ANKRD13B: variants seen among roughly 807,000 people sequenced by gnomAD.
The protein encoded by ANKRD13B is ankyrin repeat domain 13B, also known as ankyrin repeat domain-containing protein 13B.
ANKRD13B carries 33 observed loss-of-function variants against 74.4 expected under a neutral mutation model. The ratio of observed to expected loss-of-function variants is 0.44; its 90% CI spans 0.34 to 0.59. The LOEUF is 0.59. ANKRD13B is among the 20% of genes least tolerant of loss of function. The pLI, the probability that ANKRD13B is intolerant of heterozygous loss-of-function variation, is 0.02. For synonymous variants in ANKRD13B, 341 were observed against 362.9 expected, an observed-to-expected ratio of 0.94 and a Z score of 0.68; for missense variants, 676 against 877.9, an observed-to-expected ratio of 0.77 and a Z score of 2.91.
intron 1 of ANKRD13B, among the ~76,000 whole-genome samples, chr17:29,595,036 T>C (rs759024250): frequency 6.6e-6 from 1 of 152,216 alleles, no homozygotes; most frequent in Non-Finnish European, 1.5e-5. Flanking sequence ...GGGTGGCCAC[T>C]TCCTGTTACC....
intron 1 of ANKRD13B, among the ~76,000 whole-genome samples, chr17:29,597,396 G>C (rs1012989954): frequency 1.3e-5 from 2 of 152,160 alleles, no homozygotes; most frequent in Admixed American, 6.5e-5. Flanking sequence ...ATGAGCGTAC[G>C]AGTGTGTATC....
intron 1 of ANKRD13B, among the ~76,000 whole-genome samples, chr17:29,601,031 C>T (rs2034157629): frequency 6.9e-6 from 1 of 145,790 alleles, no homozygotes; most frequent in Non-Finnish European, 1.5e-5. Flanking sequence ...CTCAAGGGAT[C>T]CTCCCACCTC....
intron 1 of ANKRD13B, among the ~76,000 whole-genome samples, chr17:29,595,372 C>T (rs1416830266): frequency 6.6e-6 from 1 of 152,160 alleles, no homozygotes; most frequent in East Asian, 1.9e-4. Flanking sequence ...GAAGAACTTC[C>T]CAGGGGTCCA....
rs766968377 is a variant in ANKRD13B at position 29,611,549 on chromosome 17, G to C, written c.905-30G>C. 9 of 1,610,630 alleles carry C rather than the reference G, an allele frequency of 5.6e-6. No homozygotes were observed. The highest frequency in any genetic ancestry group is 3.3e-4 in the Middle Eastern group (2 of 6,016). On this transcript the variant is annotated intron_variant, in intron 8 of 14. Transcript: ENST00000394859. The surrounding 1 kb of genome is among the most constrained non-coding windows in gnomAD (Gnocchi z 4.3). ...GTGCCCAGGTGTGTGTGGAGTTGCG[G>C]TGTCCTCTGAGATGCCACATTTCTT...
At chr17:29,613,250 A>C in intron 14 of ANKRD13B, 104 bp from the exon 15 acceptor site, 9 of 1,387,000 alleles carry the variant, frequency 6.5e-6, no homozygotes, top group Non-Finnish European at 8.4e-6. Context: ...CCTCCACTAG[A>C]GGGTGGTGGC....
intron 1 of ANKRD13B, among the ~76,000 whole-genome samples, chr17:29,602,663 T>C (rs1234803815): frequency 6.6e-6 from 1 of 152,162 alleles, no homozygotes; most frequent in Non-Finnish European, 1.5e-5. Context: ...TGATCCAGGA[T>C]TATTTCATCT....
In ANKRD13B at chr17:29,593,706, G is replaced by C. The variant is rs1418535664; in HGVS notation, c.85G>C (p.Glu29Gln). 11 of 1,438,448 alleles carry C rather than the reference G, an allele frequency of 7.6e-6. No individual in the cohort carries two copies. The highest frequency in any genetic ancestry group is 1.0e-5 in the Non-Finnish European group (11 of 1,086,472). 89.1% of individuals were successfully genotyped at this position (1,438,448 alleles called of 1,614,324 possible). A position where few individuals can be genotyped will look rare whatever the true frequency, so the allele number is the denominator to read the frequency against. Residue 29 changes from glutamate (E) to glutamine (Q), a missense_variant, in exon 1 of 15, where the codon GAG (glutamate) becomes CAG (glutamine). By Grantham distance (29) the Glu-to-Gln change is conservative. Transcript: ENST00000394859. ...HYLVWHNRHR[E>Q]LEKEVRAGQV... The stretch of plus-strand genomic sequence containing the variant: ...CCTCGTGTGGCACAACCGCCACCGC[G>C]AGCTGGAGAAGGAGGTCCGCGCGGG...
intron 1 of ANKRD13B, among the ~76,000 whole-genome samples, chr17:29,599,804 A>G (rs576837873): frequency 4.9e-4 from 73 of 150,274 alleles, no homozygotes; most frequent in African/African-American, 1.4e-3. Context: ...TTTTCCCCCA[A>G]AGAGTTTTCT....
chr17:29,613,470 T>C lies in ANKRD13B; in HGVS notation c.1769T>C (p.Leu590Pro). 1 of 1,533,156 alleles carries C rather than the reference T, an allele frequency of 6.5e-7. No individual in the cohort carries two copies. 95.0% of individuals were successfully genotyped at this position (1,533,156 alleles called of 1,614,324 possible). A position where few individuals can be genotyped will look rare whatever the true frequency, so the allele number is the denominator to read the frequency against. The change falls in exon 15 of 15, where the codon CTG (leucine) becomes CCG (proline). Residue 590 changes from leucine (L) to proline (P), a missense_variant. Leu to Pro is a moderately conservative substitution (Grantham distance 98). Around this residue, in one of 4 missense-constraint regions of ANKRD13B, gnomAD observed 108 missense variants for 90.3 expected, o/e 1.20. Transcript: ENST00000394859. ...GHVFRSYDEQ[L>P]RLAMELSAQE... ...GTGTTCCGGAGCTACGACGAGCAGC[T>C]GCGGCTGGCGATGGAACTGTCGGCG...
chr17:29,613,492 G>T lies in ANKRD13B; in HGVS notation c.1791G>T (p.Ser597=). 6.5e-7 allele frequency: 1 copy of T among 1,532,142 alleles called. No homozygotes were observed. 94.9% of individuals were successfully genotyped at this position (1,532,142 alleles called of 1,614,324 possible). Residue 597 remains serine, a synonymous_variant, in exon 15 of 15, where the codon TCG becomes TCT. Transcript: ENST00000394859. The stretch of plus-strand genomic sequence containing the variant: ...AGCTGCGGCTGGCGATGGAACTGTC[G>T]GCGCAGGAGCAGGAGGAGAGGCGGC... ...DEQLRLAMEL[S]AQEQEERRRR... is the part of the protein sequence containing the mutation.
rs1335927582 is a variant in ANKRD13B, at chr17:29,608,811, C to T, written c.422-40C>T. Reference sequence around the variant, plus strand: ...CTGAGCTGGTCCAGGCCGTGTAGGCCAGACCAGTCAAAGCCACCTCCAACC... The same window carrying T: ...CTGAGCTGGTCCAGGCCGTGTAGGCTAGACCAGTCAAAGCCACCTCCAACC... On this transcript the variant is annotated intron_variant, in intron 4 of 14. Coordinates refer to ENST00000394859, the MANE Select transcript of ANKRD13B (RefSeq NM_152345.5). The surrounding 1 kb of genome is among the most constrained non-coding windows in gnomAD (Gnocchi z 6.4). 4 of 1,613,180 alleles carry T rather than the reference C, an allele frequency of 2.5e-6. No homozygotes were observed. In the Admixed American group the frequency reaches 6.7e-5, roughly 27 times the overall value.
intron 1 of ANKRD13B, among the ~76,000 whole-genome samples, chr17:29,603,035 A>G (rs1200914795): frequency 2.6e-5 from 4 of 151,806 alleles, no homozygotes; most frequent in Non-Finnish European, 5.9e-5. Flanking sequence ...ATTTTTAGTA[A>G]AAATGGGGTT....
chr17:29,605,952 G>A lies in ANKRD13B; in HGVS notation c.115-1790G>A, dbSNP rs531882480. ...TTTGAGACGGAGTTTTGCTCTTGTC[G>A]CCCAGGCTGGAGTGCAGTGGCATGA... On this transcript the variant is annotated intron_variant, in intron 1 of 14. Transcript: ENST00000394859. Among the ~76,000 whole-genome samples, 8 of 151,344 alleles carry A rather than the reference G, an allele frequency of 5.3e-5. No individual in the cohort carries two copies. In the South Asian group the frequency reaches 1.3e-3, roughly 24 times the overall value.
At chr17:29,613,044 G>C (rs769656587) in intron 14 of ANKRD13B, 81 bp downstream of exon 14, 1 of 1,517,350 alleles carries the variant, frequency 6.6e-7, no homozygotes, top group South Asian at 1.2e-5. Context: ...GAGAACCCGC[G>C]GGGCCCTCGG....
chr17:29,613,503 A>G lies in ANKRD13B; in HGVS notation c.1802A>G (p.Gln601Arg). 3.9e-6 allele frequency: 6 copies of G among 1,530,940 alleles called. No homozygotes were observed. The highest frequency in any genetic ancestry group is 1.2e-5 in the South Asian group (1 of 81,750). 94.8% of individuals were successfully genotyped at this position (1,530,940 alleles called of 1,614,324 possible). A position where few individuals can be genotyped will look rare whatever the true frequency, so the allele number is the denominator to read the frequency against. ...GCGATGGAACTGTCGGCGCAGGAGC[A>G]GGAGGAGAGGCGGCGGCGCGCGCGC... ...RLAMELSAQE[Q>R]EERRRRARQE... is the part of the protein sequence containing the mutation. Residue 601 changes from glutamine (Q) to arginine (R), a missense_variant, in exon 15 of 15, where the codon CAG becomes CGG. This residue lies in a region of ANKRD13B where 108 missense variants were observed against 90.3 expected (regional missense o/e 1.20). Coordinates refer to ENST00000394859, the MANE Select transcript of ANKRD13B (RefSeq NM_152345.5).
intron 8 of ANKRD13B, 141 bp downstream of exon 8, chr17:29,610,907 G>T: frequency 1.2e-6 from 1 of 843,154 alleles, no homozygotes; most frequent in Non-Finnish European, 1.8e-6. Context: ...TTCAATTCAG[G>T]TGCCAAGCCC....
At position 29,612,744 on chromosome 17, in the gene ANKRD13B, G is replaced by A; in HGVS notation, c.1504G>A (p.Asp502Asn). ...MGGQREAATR[D>N]DDDDLLQFAI... is the part of the protein sequence containing the mutation. Reference sequence around the variant, plus strand: ...CGGCCAGCGGGAGGCGGCGACCCGGGACGACGACGACGACCTGCTGCAATT... The same window carrying A: ...CGGCCAGCGGGAGGCGGCGACCCGGAACGACGACGACGACCTGCTGCAATT... Residue 502 changes from aspartate to asparagine, a missense_variant, in exon 13 of 15, where the codon GAC becomes AAC. This residue lies in a region of ANKRD13B where 152 missense variants were observed against 181.4 expected (regional missense o/e 0.84). Coordinates refer to ENST00000394859, the MANE Select transcript of ANKRD13B (RefSeq NM_152345.5). The surrounding 1 kb of genome is among the most constrained non-coding windows in gnomAD (Gnocchi z 6.1). 1 of 1,599,390 alleles carries A rather than the reference G, an allele frequency of 6.3e-7. No individual in the cohort carries two copies. The highest frequency in any genetic ancestry group is 2.2e-5 in the East Asian group (1 of 44,730).
Position 29,608,789 on chromosome 17 carries a change from A to C in ANKRD13B, c.422-62A>C, listed in dbSNP as rs964322435. ...CACGGATCCCAAACCCCATGCCCTG[A>C]GCTGGTCCAGGCCGTGTAGGCCAGA... On this transcript the variant is annotated intron_variant, in intron 4 of 14. Coordinates refer to ENST00000394859, the MANE Select transcript of ANKRD13B (RefSeq NM_152345.5). The surrounding 1 kb of genome is among the most constrained non-coding windows in gnomAD (Gnocchi z 6.4). 1.9e-6 allele frequency: 3 copies of C among 1,602,182 alleles called. No individual in the cohort carries two copies. The highest frequency in any genetic ancestry group is 2.6e-6 in the Non-Finnish European group (3 of 1,172,426).
Position 29,611,692 on chromosome 17 carries a change from CAGG to C in ANKRD13B, c.969+56_969+58del. 1 of 1,603,716 alleles carries C rather than the reference CAGG, an allele frequency of 6.2e-7. No individual in the cohort carries two copies. Among genetic ancestry groups the C allele is most frequent in the Non-Finnish European group, 8.5e-7 (1 of 1,170,768 alleles). Reference sequence around the variant, plus strand: ...TAAGTGGAGGGATGTGGATGTGGCTCAGGAGGAGGCTTGGGAAGCGTCCTGCTT... The same window carrying C: ...TAAGTGGAGGGATGTGGATGTGGCTCAGGAGGCTTGGGAAGCGTCCTGCTT... On this transcript the variant is annotated intron_variant, in intron 9 of 14. Transcript: ENST00000394859. The surrounding 1 kb of genome is among the most constrained non-coding windows in gnomAD (Gnocchi z 4.3).
Sources: gnomAD v4.1 joint callset for allele counts (sites outside exome capture counted in the v4.1 genomes callset) on GRCh38, gnomAD v4.1.1 for gene constraint, gnomAD v4.1.1 regional missense constraint, Gnocchi (gnomAD v3.1) non-coding constraint, MANE v1.5 for transcripts, NCBI Gene and HGNC (gene_info 2026-07-23, HGNC 2026-07-21) for gene names.